PDZD2: variants seen among roughly 807,000 people sequenced by gnomAD.
PDZD2 encodes the protein PDZ domain-containing protein 2.
Under a neutral mutation model 220.7 loss-of-function variants are expected in PDZD2, and 90 were observed. That is an observed-to-expected ratio of 0.41 (90% CI 0.34 to 0.49). The LOEUF (loss-of-function observed/expected upper bound fraction) is 0.49. Ranked by LOEUF, PDZD2 falls within the 20% of genes least tolerant of loss-of-function variation. The pLI, the probability that PDZD2 is intolerant of heterozygous loss-of-function variation, is 0.28. For missense variants in PDZD2, 3,174 were observed against 3,608.5 expected (o/e 0.88, Z 3.08); for synonymous variants, 1,375 against 1,450.5 (o/e 0.95, Z 1.18).
intron 1 of PDZD2, among the ~76,000 whole-genome samples, chr5:31,760,258 G>C (rs1349942614): frequency 6.6e-6 from 1 of 152,210 alleles, no homozygotes; most frequent in Non-Finnish European, 1.5e-5. Context: ...TGTGCTGACA[G>C]CATGCTAGGT....
At chr5:32,035,795 T>C (rs1370875307) in intron 6 of PDZD2, among the ~76,000 whole-genome samples, 2 of 151,714 alleles carry the variant, frequency 1.3e-5, no homozygotes. Flanking sequence ...TAGGACCAGG[T>C]TGATTTCTCC....
At chr5:32,035,671 T>C (rs927028762) in intron 6 of PDZD2, among the ~76,000 whole-genome samples, 1 of 151,974 alleles carries the variant, frequency 6.6e-6, no homozygotes, top group African/African-American at 2.4e-5. Flanking sequence ...ATAATTTTCA[T>C]TACCTGTTAA....
intron 2 of PDZD2, among the ~76,000 whole-genome samples, chr5:31,919,135 T>C (rs1743946738): frequency 6.6e-6 from 1 of 152,214 alleles, no homozygotes; most frequent in Non-Finnish European, 1.5e-5. Flanking sequence ...TAGGTTTTAC[T>C]GGAGAGTCGC....
chr5:31,783,425 C>T (rs1430713934), intron 1 of PDZD2, among the ~76,000 whole-genome samples: 1 of 152,078 alleles, frequency 6.6e-6, no homozygotes, highest in Non-Finnish European at 1.5e-5. Flanking sequence ...GGGAAGGAGG[C>T]CAAGTTTTTA....
chr5:31,712,445 G>T (rs1235238498), intron 1 of PDZD2, among the ~76,000 whole-genome samples: 1 of 120,932 alleles, frequency 8.3e-6, no homozygotes, highest in Non-Finnish European at 1.7e-5. Context: ...GGGATGGCTG[G>T]GCCTGCCTCT....
At chr5:31,647,780 A>G (rs149406443) in intron 1 of PDZD2, among the ~76,000 whole-genome samples, 215 of 152,290 alleles carry the variant, frequency 1.4e-3, no homozygotes, top group Non-Finnish European at 2.0e-3. Context: ...ATGTGGGTAT[A>G]TCTTTTGGGG....
intron 1 of PDZD2, among the ~76,000 whole-genome samples, chr5:31,782,367 C>T (rs1753106603): frequency 6.6e-6 from 1 of 152,086 alleles, no homozygotes; most frequent in Non-Finnish European, 1.5e-5. Flanking sequence ...TCATTTTTAA[C>T]TGGGAGCTAT....
chr5:31,732,864 GAT>G lies in PDZD2; in HGVS notation c.-360-66024_-360-66023del, dbSNP rs1462722061. ...CTGCCTTAGCCTCCTGAGGAGCTGG[GAT>G]TACAGGCAGGAGCCACCACGCTCCG... On this transcript the variant is annotated intron_variant, in intron 1 of 24. Transcript: ENST00000438447. Among the ~76,000 whole-genome samples, 13 of 152,220 alleles carry G rather than the reference GAT, an allele frequency of 8.5e-5. No individual in the cohort carries two copies. In the East Asian group the frequency reaches 2.1e-3, roughly 25 times the overall value.
At chr5:32,046,326 T>C (rs1367947681) in intron 7 of PDZD2, among the ~76,000 whole-genome samples, 4 of 152,012 alleles carry the variant, frequency 2.6e-5, no homozygotes, top group Non-Finnish European at 5.9e-5. Flanking sequence ...CACTGCAACC[T>C]CAGCCTCCTG....
intron 1 of PDZD2, among the ~76,000 whole-genome samples, chr5:31,682,590 G>T (rs1342036947): frequency 6.6e-6 from 1 of 152,008 alleles, no homozygotes; most frequent in Non-Finnish European, 1.5e-5. Context: ...CCCATTTAAA[G>T]TTCTTAATAA....
intron 2 of PDZD2, among the ~76,000 whole-genome samples, chr5:31,848,754 G>C (rs1302643201): frequency 6.9e-6 from 1 of 144,702 alleles, no homozygotes; most frequent in Non-Finnish European, 1.5e-5. Flanking sequence ...CAAAAAAAAA[G>C]AAAAAAGAAA....
At chr5:31,975,246 T>C (rs1337053805) in intron 2 of PDZD2, among the ~76,000 whole-genome samples, 1 of 152,164 alleles carries the variant, frequency 6.6e-6, no homozygotes, top group East Asian at 1.9e-4. Flanking sequence ...GGCCTCACAA[T>C]CATGGTAGAA....
intron 1 of PDZD2, among the ~76,000 whole-genome samples, chr5:31,766,067 C>A (rs1197318278): frequency 6.6e-6 from 1 of 152,088 alleles, no homozygotes; most frequent in African/African-American, 2.4e-5. Flanking sequence ...GTAGTCCCAG[C>A]TACTCAGGGG....
chr5:31,847,797 A>G (rs1757673329), intron 2 of PDZD2: 1 of 575,306 alleles, frequency 1.7e-6, no homozygotes, highest in African/African-American at 1.9e-5. Flanking sequence ...GCAGTACCAG[A>G]CGATTCCCTG....
intron 6 of PDZD2, among the ~76,000 whole-genome samples, chr5:32,032,848 C>T (rs985601985): frequency 5.3e-5 from 8 of 152,168 alleles, no homozygotes; most frequent in African/African-American, 1.9e-4. Flanking sequence ...GATTTGTGCC[C>T]AGGTAGCTGG....
At position 31,799,194 on chromosome 5, in the gene PDZD2, G is replaced by C; in HGVS notation, c.-55G>C. 7.9e-7 allele frequency: 1 copy of C among 1,270,174 alleles called. No homozygotes were observed. Among genetic ancestry groups the C allele is most frequent in the East Asian group, 2.4e-5 (1 of 42,050 alleles). The allele number at this position is 1,270,174 out of a possible 1,614,324, so 78.7% of individuals were successfully genotyped here. Reference sequence around the variant, plus strand: ...CCCAGGGGACGTGGGGCCCTGTGGGGTCTGGCCCCCAGGAGCAAGACCTCT... The same window carrying C: ...CCCAGGGGACGTGGGGCCCTGTGGGCTCTGGCCCCCAGGAGCAAGACCTCT... On this transcript the variant is annotated 5_prime_UTR_variant, in exon 2 of 25. Coordinates refer to ENST00000438447, the MANE Select transcript of PDZD2 (RefSeq NM_178140.4).
intron 1 of PDZD2, among the ~76,000 whole-genome samples, chr5:31,711,710 T>C (rs1242495327): frequency 1.3e-5 from 2 of 152,012 alleles, no homozygotes; most frequent in East Asian, 3.9e-4. Flanking sequence ...ACCTGTGAAG[T>C]GTAGGGCCAT....
rs143810194 is a variant in PDZD2, at chr5:32,061,031, C to G, written c.2348C>G (p.Ser783Cys). 1 of 1,614,140 alleles carries G rather than the reference C, an allele frequency of 6.2e-7. No homozygotes were observed. Among genetic ancestry groups the G allele is most frequent in the Non-Finnish European group, 8.5e-7 (1 of 1,179,988 alleles). ...SRGDQILEVNSVNVRHAALSK... is the reference protein window; with the variant it reads ...SRGDQILEVNCVNVRHAALSK... ...GGGGATCAAATCCTGGAAGTGAACT[C>G]CGTCAACGTCCGCCATGCTGCTTTA... Residue 783 changes from serine to cysteine, a missense_variant, in exon 14 of 25, where the codon TCC (serine) becomes TGC (cysteine). Ser to Cys is a moderately radical substitution (Grantham distance 112). Around this residue, in one of 4 missense-constraint regions of PDZD2, gnomAD observed 1,861 missense variants for 2,001.0 expected, o/e 0.93. Transcript: ENST00000438447.
intron 15 of PDZD2, 77 bp downstream of exon 15, chr5:32,069,727 A>T (rs1461075681): frequency 2.7e-6 from 2 of 751,602 alleles, no homozygotes; most frequent in Non-Finnish European, 4.8e-6. Context: ...TCCCCAGTGC[A>T]GTATTATTGG....
Sources: gnomAD v4.1 joint callset for allele counts (sites outside exome capture counted in the v4.1 genomes callset) on GRCh38, gnomAD v4.1.1 for gene constraint, gnomAD v4.1.1 regional missense constraint, MANE v1.5 for transcripts, NCBI Gene and HGNC (gene_info 2026-07-23, HGNC 2026-07-21) for gene names.